FILIP1L: variants seen among roughly 807,000 people sequenced by gnomAD.
FILIP1L encodes filamin A interacting protein 1 like, also known as filamin A-interacting protein 1-like.
Under a neutral mutation model 96.6 loss-of-function variants are expected in FILIP1L, and 55 were observed. The ratio of observed to expected loss-of-function variants is 0.57; its 90% CI spans 0.46 to 0.71. The LOEUF (loss-of-function observed/expected upper bound fraction) is 0.71. FILIP1L is among the 30% of genes least tolerant of loss of function. FILIP1L has a pLI of 0.00. For missense variants in FILIP1L, 1,304 were observed against 1,321.2 expected (o/e 0.99, Z 0.20); for synonymous variants, 467 against 473.9 (o/e 0.99, Z 0.19).
At chr3:100,107,310 T>C (rs2107469196) in intron 1 of FILIP1L, among the ~76,000 whole-genome samples, 1 of 152,304 alleles carries the variant, frequency 6.6e-6, no homozygotes, top group Admixed American at 6.5e-5. Flanking sequence ...AGTTTTATGA[T>C]GCCATCTGGG....
At chr3:100,009,767 C>G (rs2107189923) in intron 1 of FILIP1L, among the ~76,000 whole-genome samples, 1 of 152,342 alleles carries the variant, frequency 6.6e-6, no homozygotes, top group African/African-American at 2.4e-5. Flanking sequence ...TTGATTGTCT[C>G]TCTCTTAGTA....
At chr3:99,925,501 A>AT (rs375442541) in intron 3 of FILIP1L, among the ~76,000 whole-genome samples, 22 of 152,122 alleles carry the variant, frequency 1.4e-4, no homozygotes, top group African/African-American at 4.8e-4. Flanking sequence ...GGAAACTGAG[A>AT]TTTTTTTTGT....
intron 1 of FILIP1L, among the ~76,000 whole-genome samples, chr3:99,950,698 CTT>C (rs920399149): frequency 6.6e-6 from 1 of 152,176 alleles, no homozygotes; most frequent in African/African-American, 2.4e-5. Flanking sequence ...CCACGATTCT[CTT>C]TACACGTTTC....
intron 1 of FILIP1L, among the ~76,000 whole-genome samples, chr3:100,010,778 A>AC (rs552182434): frequency 2.1e-5 from 2 of 93,678 alleles, no homozygotes; most frequent in Non-Finnish European, 4.0e-5. Context: ...CCACGCCCGG[A>AC]TTTTTTTTTT....
intron 1 of FILIP1L, among the ~76,000 whole-genome samples, chr3:100,061,759 A>G (rs1227876078): frequency 1.1e-4 from 17 of 152,232 alleles, no homozygotes; most frequent in Non-Finnish European, 4.4e-5. Flanking sequence ...AAACTGAAGC[A>G]CAGAGAAGGT....
chr3:100,063,306 A>G (rs2065605806), intron 1 of FILIP1L, among the ~76,000 whole-genome samples: 1 of 152,186 alleles, frequency 6.6e-6, no homozygotes, highest in Non-Finnish European at 1.5e-5. Flanking sequence ...AGAAAATTTA[A>G]AAATTGGTTC....
intron 1 of FILIP1L, among the ~76,000 whole-genome samples, chr3:99,983,937 G>A (rs1709250801): frequency 6.6e-6 from 1 of 151,830 alleles, no homozygotes; most frequent in East Asian, 1.9e-4. Flanking sequence ...AGAGGAAAAT[G>A]TCCTATACCA....
chr3:99,864,950 T>C (rs1432602330), intron 4 of FILIP1L, among the ~76,000 whole-genome samples: 2 of 152,224 alleles, frequency 1.3e-5, no homozygotes, highest in African/African-American at 2.4e-5. Context: ...AGTCAATCAT[T>C]GGTCTATTTT....
chr3:100,052,837 G>T (rs962579888), intron 1 of FILIP1L, among the ~76,000 whole-genome samples: 5 of 152,064 alleles, frequency 3.3e-5, no homozygotes, highest in African/African-American at 1.2e-4. Context: ...ATTCATATTT[G>T]ATCTTGTTTT....
chr3:99,981,556 A>ATATC (rs1486029817), intron 1 of FILIP1L, among the ~76,000 whole-genome samples: 1 of 152,212 alleles, frequency 6.6e-6, no homozygotes, highest in African/African-American at 2.4e-5. Context: ...CACACAGTGT[A>ATATC]TATCTATATA....
At chr3:99,954,011 C>T (rs1708250704) in intron 1 of FILIP1L, among the ~76,000 whole-genome samples, 1 of 152,194 alleles carries the variant, frequency 6.6e-6, no homozygotes, top group African/African-American at 2.4e-5. Flanking sequence ...TTTGTTGCAC[C>T]CTTAAGAGAG....
chr3:100,043,204 A>T (rs980205036), intron 1 of FILIP1L, among the ~76,000 whole-genome samples: 2 of 152,232 alleles, frequency 1.3e-5, no homozygotes, highest in Non-Finnish European at 2.9e-5. Context: ...CCAGTATTTC[A>T]TTCTTTACTG....
chr3:100,013,875 C>G (rs924891043), intron 1 of FILIP1L, among the ~76,000 whole-genome samples: 12 of 152,088 alleles, frequency 7.9e-5, no homozygotes, highest in Admixed American at 2.0e-4. Context: ...ATGTTGTTAA[C>G]TATAGTCACC....
At chr3:99,983,460 GTGTGTA>G (rs1164514672) in intron 1 of FILIP1L, among the ~76,000 whole-genome samples, 47 of 69,466 alleles carry the variant, frequency 6.8e-4, no homozygotes, top group African/African-American at 4.3e-3. Context: ...ATATATATAT[GTGTGTA>G]TATATATATA....
intron 1 of FILIP1L, among the ~76,000 whole-genome samples, chr3:100,077,033 C>G (rs1052110942): frequency 6.6e-6 from 1 of 152,188 alleles, no homozygotes; most frequent in Non-Finnish European, 1.5e-5. Flanking sequence ...CGGAACAAGG[C>G]TGGCCAGGGT....
At chr3:100,034,463 A>T (rs1015926466) in intron 1 of FILIP1L, among the ~76,000 whole-genome samples, 2 of 152,204 alleles carry the variant, frequency 1.3e-5, no homozygotes, top group Non-Finnish European at 2.9e-5. Context: ...GCACTTTTTG[A>T]ATCAACATTG....
chr3:99,902,576 A>G (rs773244526), intron 4 of FILIP1L, among the ~76,000 whole-genome samples: 8 of 152,218 alleles, frequency 5.3e-5, no homozygotes, highest in African/African-American at 7.2e-5. Context: ...TCTGAAAACT[A>G]TAGTTTTGAT....
chr3:99,881,660 G>A (rs979886391), intron 4 of FILIP1L, among the ~76,000 whole-genome samples: 8 of 151,970 alleles, frequency 5.3e-5, no homozygotes, highest in Admixed American at 3.9e-4. Flanking sequence ...AGCCTCCCTA[G>A]TAGCTGGGAT....
chr3:99,968,308 C>T (rs528461925), intron 1 of FILIP1L, among the ~76,000 whole-genome samples: 5 of 151,978 alleles, frequency 3.3e-5, no homozygotes, highest in African/African-American at 9.7e-5. Flanking sequence ...CTTATTGTAG[C>T]CTAAATTGTA....
Sources: gnomAD v4.1 joint callset for allele counts (sites outside exome capture counted in the v4.1 genomes callset) on GRCh38, gnomAD v4.1.1 for gene constraint, MANE v1.5 for transcripts, NCBI Gene and HGNC (gene_info 2026-07-23, HGNC 2026-07-21) for gene names.